The following CDC37 variants were observed in gnomAD, a reference collection of about 807,000 sequenced individuals.
CDC37 encodes cell division cycle 37, HSP90 cochaperone.
A neutral mutation model predicts 46.9 loss-of-function variants in CDC37; 9 were observed. The ratio of observed to expected loss-of-function variants is 0.19; its 90% CI spans 0.12 to 0.33. CDC37 has a LOEUF of 0.33. CDC37 is among the 10% of genes least tolerant of loss of function. The pLI, the probability that CDC37 is intolerant of heterozygous loss-of-function variation, is 1.00. For missense variants in CDC37, 388 were observed against 514.6 expected (o/e 0.75, Z 2.38); for synonymous variants, 193 against 191.0 (o/e 1.01, Z -0.09).
intron 1 of CDC37, 30 bp downstream of exon 1, chr19:10,403,348 T>A: frequency 6.5e-7 from 1 of 1,548,002 alleles, no homozygotes. Context: ...GGTCCGGGAG[T>A]GGGGAAAGGG....
At chr19:10,395,904 G>GGGGCCCCC in intron 2 of CDC37, 24 bp downstream of exon 2, 5 of 1,541,894 alleles carry the variant, frequency 3.2e-6, no homozygotes, top group Non-Finnish European at 4.4e-6. Context: ...CATGCGCACT[G>GGGGCCCCC]CCCGCCCCGC....
Position 10,393,007 on chromosome 19 carries a change from C to T in CDC37, c.981+79G>A, listed in dbSNP as rs541168969. 76 of 1,346,264 alleles carry T rather than the reference C, an allele frequency of 5.6e-5. No homozygotes were observed. Among genetic ancestry groups the T allele is most frequent in the Non-Finnish European group, 6.7e-5 (63 of 938,416 alleles). 83.4% of individuals were successfully genotyped at this position (1,346,264 alleles called of 1,614,324 possible). Reference sequence around the variant, plus strand: ...GCCTTGGAGGGGCACTTTCACCAGCCGGCTTCAGAGACTTGGGACACAGGG... The same window carrying T: ...GCCTTGGAGGGGCACTTTCACCAGCTGGCTTCAGAGACTTGGGACACAGGG... On this transcript the variant is annotated intron_variant, in intron 7 of 7. Coordinates refer to ENST00000222005, the MANE Select transcript of CDC37 (RefSeq NM_007065.4). This position sits in a 1 kb window ranked among gnomAD's most constrained non-coding sequence, Gnocchi z 4.9.
chr19:10,391,391 G>A lies in CDC37; in HGVS notation c.*160C>T. ...GAGACTTGAATGGGCGCTGGAGAGT[G>A]GAGACAGTGGAGAGGCCAGGGAGGG... On this transcript the variant is annotated 3_prime_UTR_variant, in exon 8 of 8. Transcript: ENST00000222005. 1.3e-6 allele frequency: 1 copy of A among 791,806 alleles called. No individual in the cohort carries two copies. Among genetic ancestry groups the A allele is most frequent in the Non-Finnish European group, 2.2e-6 (1 of 462,904 alleles). The allele number at this position is 791,806 out of a possible 1,614,324, so 49.0% of individuals were successfully genotyped here.
At chr19:10,394,528 A>AT (rs1421552487) in intron 5 of CDC37, among the ~76,000 whole-genome samples, 4 of 150,298 alleles carry the variant, frequency 2.7e-5, no homozygotes, top group African/African-American at 4.9e-5. Flanking sequence ...TATTTAATTA[A>AT]TTAATTTATT....
chr19:10,396,140 C>G lies in CDC37; in HGVS notation c.166G>C (p.Glu56Gln). The change falls in exon 2 of 8, where the codon GAG (glutamate) becomes CAG (glutamine). Residue 56 changes from glutamate (E) to glutamine (Q), a missense_variant. This residue lies in a region of CDC37 where 374 missense variants were observed against 467.4 expected (regional missense o/e 0.80). Coordinates refer to ENST00000222005, the MANE Select transcript of CDC37 (RefSeq NM_007065.4). This position sits in a 1 kb window ranked among gnomAD's most constrained non-coding sequence, Gnocchi z 5.9. ...CACTCGGCCACCTTGCGCTTGCACT[C>G]GCGGCAGCCCCTGTCCAGTTCCTCC... The part of the protein sequence containing the change: ...EKEELDRGCR[E>Q]CKRKVAECQR... 6.2e-7 allele frequency: 1 copy of G among 1,614,120 alleles called. No homozygotes were observed. The highest frequency in any genetic ancestry group is 8.5e-7 in the Non-Finnish European group (1 of 1,180,008).
intron 1 of CDC37, among the ~76,000 whole-genome samples, chr19:10,402,747 G>C (rs185493249): frequency 6.6e-6 from 1 of 152,156 alleles, no homozygotes; most frequent in East Asian, 1.9e-4. Context: ...TACTCGGTGA[G>C]ACTAAGGATC....
intron 1 of CDC37, among the ~76,000 whole-genome samples, chr19:10,397,276 T>A (rs1211353304): frequency 2.0e-5 from 3 of 151,954 alleles, no homozygotes; most frequent in African/African-American, 7.3e-5. Flanking sequence ...TTCAGTTTTG[T>A]TTGAACAAGG....
chr19:10,403,335 C>T, intron 1 of CDC37, 43 bp downstream of exon 1: 2 of 1,460,400 alleles, frequency 1.4e-6, no homozygotes, highest in Non-Finnish European at 1.9e-6. Flanking sequence ...AACTCCGAAG[C>T]GGGGTCCGGG....
At position 10,396,547 on chromosome 19, in the gene CDC37, G is replaced by T. The variant is rs562738678; in HGVS notation, c.103-344C>A. Among the ~76,000 whole-genome samples, 2 of 152,100 alleles carry T rather than the reference G, an allele frequency of 1.3e-5. No homozygotes were observed. The highest frequency in any genetic ancestry group is 4.2e-4 in the South Asian group (2 of 4,818). On this transcript the variant is annotated intron_variant, in intron 1 of 7. Transcript: ENST00000222005. The surrounding 1 kb of genome is among the most constrained non-coding windows in gnomAD (Gnocchi z 5.9). ...CTCACTTTTCTCACCTTTTCTTGAG[G>T]CCATTTTTTTTGTTTAAGAAAACAA...
In CDC37 at chr19:10,396,059, G is replaced by C. The variant is rs770724683; in HGVS notation, c.247C>G (p.Arg83Gly). 6.2e-7 allele frequency: 1 copy of C among 1,613,924 alleles called. No homozygotes were observed. Among genetic ancestry groups the C allele is most frequent in the South Asian group, 1.1e-5 (1 of 91,068 alleles). Residue 83 changes from arginine to glycine, a missense_variant, in exon 2 of 8, where the codon CGC becomes GGC. By Grantham distance (125) the Arg-to-Gly change is moderately radical. This residue lies in a region of CDC37 where 374 missense variants were observed against 467.4 expected (regional missense o/e 0.80). Coordinates refer to ENST00000222005, the MANE Select transcript of CDC37 (RefSeq NM_007065.4). This position sits in a 1 kb window ranked among gnomAD's most constrained non-coding sequence, Gnocchi z 5.9. ...AGCTGCTGTGCCTCGGCCTGCAGGC[G>C]CTCCAGCTCTGCCTTGCCGCCCTCG... is the stretch of plus-strand genomic sequence containing the variant. ...VAEGGKAELERLQAEAQQLRK... is the reference protein window; with the variant it reads ...VAEGGKAELEGLQAEAQQLRK...
At chr19:10,400,091 G>A (rs1039032479) in intron 1 of CDC37, among the ~76,000 whole-genome samples, 7 of 152,226 alleles carry the variant, frequency 4.6e-5, no homozygotes, top group Middle Eastern at 3.4e-3. Context: ...CAGGGAGGCC[G>A]CAGCTAAAAA....
At chr19:10,395,664 G>A (rs776785823) in intron 2 of CDC37, 121 bp from the exon 3 acceptor site, 3 of 906,050 alleles carry the variant, frequency 3.3e-6, no homozygotes, top group Non-Finnish European at 5.5e-6. Flanking sequence ...ACGAAGCCAT[G>A]AGCATCAAGG....
intron 2 of CDC37, 58 bp from the exon 3 acceptor site, chr19:10,395,601 C>T (rs1180932370): frequency 1.5e-6 from 2 of 1,357,024 alleles, no homozygotes; most frequent in South Asian, 1.2e-5. Flanking sequence ...GCCTCGAGCG[C>T]GGCCGGGCGG....
chr19:10,399,956 A>G (rs1258765901), intron 1 of CDC37, among the ~76,000 whole-genome samples: 6 of 144,392 alleles, frequency 4.2e-5, no homozygotes, highest in African/African-American at 1.6e-4. Context: ...AAAAAAAAAA[A>G]GCAGCTGTGG....
At chr19:10,402,581 A>T (rs941281706) in intron 1 of CDC37, among the ~76,000 whole-genome samples, 1 of 152,146 alleles carries the variant, frequency 6.6e-6, no homozygotes, top group Non-Finnish European at 1.5e-5. Flanking sequence ...AAGTAGGAGC[A>T]GGGGCTCTGG....
At position 10,403,532 on chromosome 19, in the gene CDC37, CA is replaced by C. The variant is rs1182377152; in HGVS notation, c.-54del. 18 of 1,378,250 alleles carry C rather than the reference CA, an allele frequency of 1.3e-5. No individual in the cohort carries two copies. The highest frequency in any genetic ancestry group is 1.6e-5 in the Non-Finnish European group (16 of 976,098). The allele number at this position is 1,378,250 out of a possible 1,614,324, so 85.4% of individuals were successfully genotyped here. ...GCTCGGGTGGCGGCGACGGCGGCAG[CA>C]GTGGAGACTAGGAGCGCGGAGCCCC... On this transcript the variant is annotated 5_prime_UTR_variant, in exon 1 of 8. Coordinates refer to ENST00000222005, the MANE Select transcript of CDC37 (RefSeq NM_007065.4).
chr19:10,393,814 G>C lies in CDC37; in HGVS notation c.727-373C>G, dbSNP rs1052415688. 2 of 189,198 alleles carry C rather than the reference G, an allele frequency of 1.1e-5. No individual in the cohort carries two copies. The highest frequency in any genetic ancestry group is 4.7e-5 in the African/African-American group (2 of 42,636). The allele number at this position is 189,198 out of a possible 1,614,324, so 11.7% of individuals were successfully genotyped here. A position where few individuals can be genotyped will look rare whatever the true frequency, so the allele number is the denominator to read the frequency against. On this transcript the variant is annotated intron_variant, in intron 5 of 7. Coordinates refer to ENST00000222005, the MANE Select transcript of CDC37 (RefSeq NM_007065.4). This position sits in a 1 kb window ranked among gnomAD's most constrained non-coding sequence, Gnocchi z 4.9. Reference sequence around the variant, plus strand: ...GGTTAAAAATCCTAGAGGCTAGGCCGGGCGCGGTGGCTCACGCCTGTAATC... The same window carrying C: ...GGTTAAAAATCCTAGAGGCTAGGCCCGGCGCGGTGGCTCACGCCTGTAATC...
In CDC37 at chr19:10,393,290, T is replaced by C; in HGVS notation, c.878A>G (p.Asp293Gly). Reference protein sequence around the residue: ...RKKRLGPGGLDPVEVYESLPE... With the variant: ...RKKRLGPGGLGPVEVYESLPE... ...GAGGGACTCGTAGACCTCGACGGGG[T>C]CCAGGCCGCCGGGGCCGAGCCGCTT... The change falls in exon 6 of 8, where the codon GAC (aspartate) becomes GGC (glycine). Residue 293 changes from aspartate (D) to glycine (G), a missense_variant. Coordinates refer to ENST00000222005, the MANE Select transcript of CDC37 (RefSeq NM_007065.4). The surrounding 1 kb of genome is among the most constrained non-coding windows in gnomAD (Gnocchi z 4.9). 1 of 1,613,156 alleles carries C rather than the reference T, an allele frequency of 6.2e-7. No homozygotes were observed. Among genetic ancestry groups the C allele is most frequent in the Non-Finnish European group, 8.5e-7 (1 of 1,179,656 alleles).
In CDC37 at chr19:10,395,468, C is replaced by A; in HGVS notation, c.454G>T (p.Val152Leu). The A allele has an allele frequency of 2.5e-6, 4 of 1,614,142 alleles. No homozygotes were observed. Among genetic ancestry groups the A allele is most frequent in the Non-Finnish European group, 3.4e-6 (4 of 1,179,946 alleles). The change falls in exon 3 of 8, where the codon GTG (valine) becomes TTG (leucine). Residue 152 changes from valine to leucine, a missense_variant. Physicochemically the swap from Val to Leu is conservative, Grantham distance 32 (BLOSUM62 1). Transcript: ENST00000222005. ...EVREQKHKTF[V>L]EKYEKQIKHF... The stretch of plus-strand genomic sequence containing the variant: ...TTGATCTGTTTCTCGTATTTTTCCA[C>A]GAAGGTCTTGTGTTTCTGCTCCCTC...
Sources: allele counts gnomAD v4.1 joint callset (sites outside exome capture counted in the v4.1 genomes callset), GRCh38; gene constraint gnomAD v4.1.1; regional missense constraint gnomAD v4.1.1; non-coding constraint Gnocchi (gnomAD v3.1); transcripts MANE v1.5; gene names NCBI Gene and HGNC (gene_info 2026-07-23, HGNC 2026-07-21).